ENOX1: variants seen among roughly 807,000 people sequenced by gnomAD.
The protein encoded by ENOX1 is candidate growth-related and time keeping constitutive hydroquinone (NADH) oxidase.
ENOX1 carries 42 observed loss-of-function variants against 82.5 expected under a neutral mutation model. The observed-to-expected ratio is 0.51, with a 90% confidence interval of 0.40 to 0.66. The LOEUF (loss-of-function observed/expected upper bound fraction) is 0.66, where lower values mean the gene tolerates loss of function less well. Among genes scored for constraint, ENOX1 ranks in the 30% least tolerant of loss-of-function variants. ENOX1 has a pLI of 0.00. For missense variants in ENOX1, 608 were observed against 811.6 expected (o/e 0.75, Z 3.05); for synonymous variants, 271 against 282.2 (o/e 0.96, Z 0.40).
intron 1 of ENOX1, among the ~76,000 whole-genome samples, chr13:43,713,231 A>G (rs141596905): frequency 0.11 from 17,334 of 152,016 alleles, 1,770 homozygotes; most frequent in African/African-American, 0.27. Flanking sequence ...ATTTGTGTAT[A>G]TTGAACCAGC....
At chr13:43,357,138 T>C (rs2050207589) in intron 7 of ENOX1, among the ~76,000 whole-genome samples, 1 of 152,226 alleles carries the variant, frequency 6.6e-6, no homozygotes, top group African/African-American at 2.4e-5. Flanking sequence ...TAAATCCAGG[T>C]CCCAGCAGAG....
At chr13:43,415,074 T>G (rs1190381379) in intron 3 of ENOX1, among the ~76,000 whole-genome samples, 2 of 152,126 alleles carry the variant, frequency 1.3e-5, no homozygotes, top group Non-Finnish European at 1.5e-5. Flanking sequence ...CTTAACAGAC[T>G]GCAAGTGTTT....
Position 43,786,560 on chromosome 13 carries a change from T to A in ENOX1, c.-285+92A>T, listed in dbSNP as rs1411169790. 1 of 152,142 alleles carries A rather than the reference T, an allele frequency of 6.6e-6. No individual in the cohort carries two copies. Among genetic ancestry groups the A allele is most frequent in the African/African-American group, 2.4e-5 (1 of 41,382 alleles). The allele number at this position is 152,142 out of a possible 1,614,324, so 9.4% of individuals were successfully genotyped here. A position where few individuals can be genotyped will look rare whatever the true frequency, so the allele number is the denominator to read the frequency against. On this transcript the variant is annotated intron_variant, in intron 1 of 16. Coordinates refer to ENST00000690772, the MANE Select transcript of ENOX1 (RefSeq NM_001347969.2). The surrounding 1 kb of genome is among the most constrained non-coding windows in gnomAD (Gnocchi z 6.0). ...CCCCTCGCCCACTCCCCTCTCAGTC[T>A]AGATCCAGGTGCCGTGGCGGGGGTG...
intron 8 of ENOX1, among the ~76,000 whole-genome samples, chr13:43,350,000 A>AT (rs1161636831): frequency 3.3e-5 from 5 of 152,156 alleles, no homozygotes; most frequent in African/African-American, 9.7e-5. Context: ...CTGGGCATGA[A>AT]TTACCTAATT....
rs571804200 is a variant in ENOX1 at position 43,499,651 on chromosome 13, G to A, written c.-218-15499C>T. Among the ~76,000 whole-genome samples, 5 of 152,102 alleles carry A rather than the reference G, an allele frequency of 3.3e-5. No homozygotes were observed. The East Asian group carries it at 9.7e-4, about 30-fold the overall frequency. ...AACCAGTCTATAAAGATGGAGAGAG[G>A]TGACTGCTTCTTCAAGTGCACAGAC... On this transcript the variant is annotated intron_variant, in intron 2 of 16. Coordinates refer to ENST00000690772, the MANE Select transcript of ENOX1 (RefSeq NM_001347969.2).
intron 1 of ENOX1, among the ~76,000 whole-genome samples, chr13:43,745,723 C>G (rs1566867990): frequency 6.6e-6 from 1 of 152,240 alleles, no homozygotes; most frequent in East Asian, 1.9e-4. Flanking sequence ...CCCATAATCC[C>G]CAGATGTCGT....
chr13:43,442,087 G>A (rs576197415), intron 3 of ENOX1, among the ~76,000 whole-genome samples: 33 of 152,160 alleles, frequency 2.2e-4, no homozygotes, highest in African/African-American at 7.5e-4. Context: ...CAGAGCCTCC[G>A]CACATGGAGC....
At chr13:43,670,133 A>G (rs940642239) in intron 1 of ENOX1, among the ~76,000 whole-genome samples, 1 of 152,224 alleles carries the variant, frequency 6.6e-6, no homozygotes, top group Non-Finnish European at 1.5e-5. Context: ...ACAACGACAC[A>G]GAGTAGCACA....
chr13:43,612,342 C>A (rs913434739), intron 2 of ENOX1, among the ~76,000 whole-genome samples: 6 of 152,220 alleles, frequency 3.9e-5, no homozygotes, highest in African/African-American at 1.4e-4. Flanking sequence ...ATGGATTACC[C>A]TCATATTTTC....
chr13:43,403,839 C>CAA lies in ENOX1; in HGVS notation c.208+8075_208+8076dup, dbSNP rs59860320. Among the ~76,000 whole-genome samples the CAA allele has an allele frequency of 9.7e-4, 139 of 143,324 alleles. 1 individual carries two copies. The highest frequency in any genetic ancestry group is 3.1e-3 in the African/African-American group (123 of 40,194). The allele number at this position is 143,324 out of a possible 152,430, so 94.0% of individuals were successfully genotyped here. On this transcript the variant is annotated intron_variant, in intron 5 of 16. Transcript: ENST00000690772. ...TGGATGACAGAGTAAAATCTTGTCT[C>CAA]AAAAAAAAAAATAAATAAATAAAAA...
At chr13:43,310,626 C>T (rs543380936) in intron 11 of ENOX1, among the ~76,000 whole-genome samples, 32 of 152,020 alleles carry the variant, frequency 2.1e-4, no homozygotes, top group African/African-American at 6.5e-4. Context: ...CTAAGTGTTA[C>T]GTAGAAGGGT....
At chr13:43,310,197 CAAAAAAAAAAAAAAAA>C (rs10555409) in intron 11 of ENOX1, among the ~76,000 whole-genome samples, 1 of 82,604 alleles carries the variant, frequency 1.2e-5, no homozygotes, top group Non-Finnish European at 2.4e-5. Context: ...GATTCCATCT[CAAAAAAAAAAAAAAAA>C]AAAAAAAAAA....
intron 1 of ENOX1, among the ~76,000 whole-genome samples, chr13:43,724,723 C>G (rs2088816804): frequency 6.6e-6 from 1 of 152,030 alleles, no homozygotes; most frequent in South Asian, 2.1e-4. Flanking sequence ...GATTTTTTTC[C>G]TAATCCATAG....
At chr13:43,715,958 C>T (rs1262662433) in intron 1 of ENOX1, among the ~76,000 whole-genome samples, 2 of 152,206 alleles carry the variant, frequency 1.3e-5, no homozygotes, top group East Asian at 3.9e-4. Flanking sequence ...AACCATTCGT[C>T]TAATTTTTTC....
At chr13:43,581,219 G>A (rs1026299428) in intron 2 of ENOX1, among the ~76,000 whole-genome samples, 11 of 130,760 alleles carry the variant, frequency 8.4e-5, no homozygotes, top group Non-Finnish European at 1.6e-4. Flanking sequence ...TGCAAGCTCC[G>A]CCTCCCGGGT....
In ENOX1 at chr13:43,253,287, CCTTTTTTCTTCATTCTATCTTTGTACCTA is replaced by C. The variant is rs1381117928; in HGVS notation, c.1611+12082_1611+12110del. On this transcript the variant is annotated intron_variant, in intron 14 of 16. Coordinates refer to ENST00000690772, the MANE Select transcript of ENOX1 (RefSeq NM_001347969.2). ...GTTCCAGTCTTTCCCGCCTTTCTTC[CCTTTTTTCTTCATTCTATCTTTGTACCTA>C]CTTTTTTCCTTGTCATTTTCCTACA... Among the ~76,000 whole-genome samples the C allele has an allele frequency of 2.6e-5, 4 of 152,184 alleles. No homozygotes were observed. In the East Asian group the frequency reaches 7.7e-4, roughly 29 times the overall value.
chr13:43,504,003 T>C lies in ENOX1; in HGVS notation c.-218-19851A>G, dbSNP rs181641678. On this transcript the variant is annotated intron_variant, in intron 2 of 16. Transcript: ENST00000690772. The stretch of plus-strand genomic sequence containing the variant: ...TATATCAGGAATTCCTGCAACTCAA[T>C]AGCAAAAAAATCCAATAAAAATGGG... 4.4e-4 allele frequency among the ~76,000 whole-genome samples: 67 copies of C among 151,556 alleles called. 1 individual carries two copies. The highest frequency in any genetic ancestry group is 1.5e-3 in the African/African-American group (61 of 41,404).
At chr13:43,555,091 T>C (rs1470692843) in intron 2 of ENOX1, among the ~76,000 whole-genome samples, 2 of 142,146 alleles carry the variant, frequency 1.4e-5, no homozygotes, top group African/African-American at 5.3e-5. Context: ...TTCCTTTCTA[T>C]TGGTATCCCA....
At chr13:43,694,389 A>C (rs1180061128) in intron 1 of ENOX1, among the ~76,000 whole-genome samples, 2 of 152,176 alleles carry the variant, frequency 1.3e-5, no homozygotes, top group African/African-American at 4.8e-5. Context: ...ACATCTCTCC[A>C]AAGTTCCTCT....
Sources: allele counts gnomAD v4.1 joint callset (sites outside exome capture counted in the v4.1 genomes callset), GRCh38; gene constraint gnomAD v4.1.1; non-coding constraint Gnocchi (gnomAD v3.1); transcripts MANE v1.5; gene names NCBI Gene and HGNC (gene_info 2026-07-23, HGNC 2026-07-21).